The following LRFN2 variants were observed in gnomAD, a reference collection of about 807,000 sequenced individuals.
The protein encoded by LRFN2 is leucine rich repeat and fibronectin type III domain containing 2.
LRFN2 carries 18 observed loss-of-function variants against 37.3 expected under a neutral mutation model. The ratio of observed to expected loss-of-function variants is 0.48; its 90% confidence interval spans 0.33 to 0.72. LRFN2 has a LOEUF of 0.72. Ranked by LOEUF, LRFN2 falls within the 30% of genes least tolerant of loss-of-function variation. LRFN2 has a pLI of 0.02. For synonymous variants in LRFN2, 556 were observed against 466.6 expected, an observed-to-expected ratio of 1.19 and a Z score of -2.47; for missense variants, 1,006 against 1,060.7, an observed-to-expected ratio of 0.95 and a Z score of 0.72.
intron 1 of LRFN2, among the ~76,000 whole-genome samples, chr6:40,571,457 C>T (rs1052433212): frequency 1.3e-5 from 2 of 152,220 alleles, no homozygotes; most frequent in Non-Finnish European, 2.9e-5. Context: ...GGACTGCAGA[C>T]AACTTGCAGC....
At chr6:40,405,785 G>A (rs1762832853) in intron 2 of LRFN2, among the ~76,000 whole-genome samples, 2 of 152,174 alleles carry the variant, frequency 1.3e-5, no homozygotes, top group Non-Finnish European at 2.9e-5. Flanking sequence ...TAAAGGCCTG[G>A]CTGAGCAATG....
At position 40,497,137 on chromosome 6, in the gene LRFN2, C is replaced by G. The variant is rs149335436; in HGVS notation, c.-18-64006G>C. Among the ~76,000 whole-genome samples the G allele has an allele frequency of 2.6e-5, 4 of 152,304 alleles. No homozygotes were observed. The East Asian group carries it at 7.7e-4, about 29-fold the overall frequency. On this transcript the variant is annotated intron_variant, in intron 1 of 2. Transcript: ENST00000338305. ...ATCCCAAAGTGACGCCCTTCTGCAG[C>G]CATTTCTGACTGCCCACCTCACTCC...
intron 2 of LRFN2, among the ~76,000 whole-genome samples, chr6:40,398,052 C>T (rs1762651691): frequency 6.6e-6 from 1 of 152,014 alleles, no homozygotes; most frequent in Non-Finnish European, 1.5e-5. Flanking sequence ...AAAATCGAAG[C>T]TGCTCCTTCA....
intron 1 of LRFN2, among the ~76,000 whole-genome samples, chr6:40,555,649 T>C (rs1445376532): frequency 6.6e-6 from 1 of 152,066 alleles, no homozygotes; most frequent in Non-Finnish European, 1.5e-5. Flanking sequence ...CCAACTTTCT[T>C]TGACCTAGCT....
At chr6:40,531,403 C>T (rs904583231) in intron 1 of LRFN2, among the ~76,000 whole-genome samples, 2 of 152,122 alleles carry the variant, frequency 1.3e-5, no homozygotes, top group African/African-American at 4.8e-5. Context: ...ATGAATGGTG[C>T]ACTCTGAACG....
chr6:40,408,373 G>T (rs7764493), intron 2 of LRFN2, among the ~76,000 whole-genome samples: 1,598 of 152,264 alleles, frequency 0.01, 44 homozygotes, highest in East Asian at 0.083. Flanking sequence ...CTCGGCAGGG[G>T]CTTCTTGGTT....
chr6:40,579,023 G>C (rs997445454), intron 1 of LRFN2, among the ~76,000 whole-genome samples: 1 of 152,134 alleles, frequency 6.6e-6, no homozygotes, highest in African/African-American at 2.4e-5. Flanking sequence ...ACTTCCCAAG[G>C]ACAAGGACTG....
intron 1 of LRFN2, among the ~76,000 whole-genome samples, chr6:40,465,339 C>A (rs1764435321): frequency 6.6e-6 from 1 of 152,182 alleles, no homozygotes; most frequent in Non-Finnish European, 1.5e-5. Context: ...TTTAAGCTAT[C>A]AATTTTGTGA....
At chr6:40,459,574 AG>A (rs1764304122) in intron 1 of LRFN2, among the ~76,000 whole-genome samples, 1 of 152,186 alleles carries the variant, frequency 6.6e-6, no homozygotes, top group South Asian at 2.1e-4. Context: ...TCATCTCTGC[AG>A]GGCCTAATCC....
chr6:40,582,836 A>G lies in LRFN2; in HGVS notation c.-19+4105T>C, dbSNP rs77823070. 9.0e-3 allele frequency among the ~76,000 whole-genome samples: 1,368 copies of G among 152,012 alleles called. 23 individuals are homozygous for G. The highest frequency in any genetic ancestry group is 0.031 in the African/African-American group (1,295 of 41,422). On this transcript the variant is annotated intron_variant, in intron 1 of 2. Coordinates refer to ENST00000338305, the MANE Select transcript of LRFN2 (RefSeq NM_020737.3). ...GCGGCCCAGAACATAGCTATTTTTGACCCTCTGTTCAAAGTTTAGCCTTGT... is the reference window on the plus strand; with the variant it reads ...GCGGCCCAGAACATAGCTATTTTTGGCCCTCTGTTCAAAGTTTAGCCTTGT...
chr6:40,483,960 G>A (rs951477395), intron 1 of LRFN2, among the ~76,000 whole-genome samples: 2 of 152,238 alleles, frequency 1.3e-5, no homozygotes, highest in Middle Eastern at 3.4e-3. Flanking sequence ...GAGAATAGCC[G>A]CCTCTGTCCC....
intron 1 of LRFN2, chr6:40,501,595 T>G (rs1357351869): frequency 6.6e-6 from 1 of 152,116 alleles, no homozygotes; most frequent in Non-Finnish European, 1.5e-5. Flanking sequence ...CCTAAAGTAC[T>G]GGGATTTACA....
chr6:40,481,126 A>G (rs1764817563), intron 1 of LRFN2, among the ~76,000 whole-genome samples: 1 of 152,178 alleles, frequency 6.6e-6, no homozygotes, highest in South Asian at 2.1e-4. Flanking sequence ...TGGGGGCTTT[A>G]GTTTTGAAGG....
chr6:40,495,876 A>C (rs1257389312), intron 1 of LRFN2, among the ~76,000 whole-genome samples: 1 of 152,178 alleles, frequency 6.6e-6, no homozygotes, highest in South Asian at 2.1e-4. Flanking sequence ...ATTTACCTCC[A>C]GCCCAGCCCT....
chr6:40,401,372 G>A (rs1048503457), intron 2 of LRFN2, among the ~76,000 whole-genome samples: 1 of 152,124 alleles, frequency 6.6e-6, no homozygotes, highest in Non-Finnish European at 1.5e-5. Flanking sequence ...AGTAGCTCGG[G>A]TGCCTTCCCC....
chr6:40,495,832 T>G (rs1324687799), intron 1 of LRFN2, among the ~76,000 whole-genome samples: 2 of 152,176 alleles, frequency 1.3e-5, no homozygotes, highest in African/African-American at 4.8e-5. Flanking sequence ...GTCATACGAC[T>G]TCCAACACCT....
intron 1 of LRFN2, among the ~76,000 whole-genome samples, chr6:40,566,958 G>C (rs7764160): frequency 0.65 from 98,209 of 152,028 alleles, 33,337 homozygotes; most frequent in African/African-American, 0.86. Context: ...TCAAGAGCAA[G>C]CTTAAAGAGA....
chr6:40,560,247 G>C (rs1303526928), intron 1 of LRFN2, among the ~76,000 whole-genome samples: 1 of 152,090 alleles, frequency 6.6e-6, no homozygotes, highest in East Asian at 1.9e-4. Context: ...ACCCATCAGG[G>C]ACAGCGCTCT....
Position 40,432,942 on chromosome 6 carries a change from G to T in LRFN2, c.172C>A (p.Arg58Ser). The T allele has an allele frequency of 6.2e-7, 1 of 1,613,912 alleles. No individual in the cohort carries two copies. Residue 58 changes from arginine (R) to serine (S), a missense_variant, in exon 2 of 3, where the codon CGC becomes AGC. Transcript: ENST00000338305. ...PDIDRRTVEL[R>S]LGGNFIIHIS... Reference sequence around the variant, plus strand: ...TGGATGATGAAGTTGCCGCCCAGGCGCAGCTCCACTGTCCGCCGGTCAATA... The same window carrying T: ...TGGATGATGAAGTTGCCGCCCAGGCTCAGCTCCACTGTCCGCCGGTCAATA...
Sources: allele counts gnomAD v4.1 joint callset (sites outside exome capture counted in the v4.1 genomes callset), GRCh38; gene constraint gnomAD v4.1.1; transcripts MANE v1.5; gene names NCBI Gene and HGNC (gene_info 2026-07-23, HGNC 2026-07-21).